The following SPMIP2 variants were observed in gnomAD, a reference collection of about 807,000 sequenced individuals.
SPMIP2 encodes sperm microtubule inner protein 2.
chr4:158,973,294 C>G, the SPMIP2 span: 1 of 1,612,032 alleles, frequency 6.2e-7, no homozygotes, highest in Non-Finnish European at 8.5e-7. Context: ...GGTAAATAAT[C>G]CTTTATGTAG....
chr4:158,992,451 TTA>T, the SPMIP2 span, among the ~76,000 whole-genome samples: 1 of 152,254 alleles, frequency 6.6e-6, no homozygotes, highest in South Asian at 2.1e-4. Context: ...ACTGGGTCAC[TTA>T]TATGCATCCT....
the SPMIP2 span, among the ~76,000 whole-genome samples, chr4:158,949,667 G>A: frequency 6.6e-6 from 1 of 152,100 alleles, no homozygotes; most frequent in African/African-American, 2.4e-5. Flanking sequence ...GCAAAACTTT[G>A]TACATCTCCT....
At chr4:158,987,915 T>C in the SPMIP2 span, among the ~76,000 whole-genome samples, 2 of 150,724 alleles carry the variant, frequency 1.3e-5, no homozygotes, top group Non-Finnish European at 3.0e-5. Flanking sequence ...CTGAAGGAGA[T>C]AGAGACACAA....
the SPMIP2 span, among the ~76,000 whole-genome samples, chr4:158,961,953 TG>T: frequency 6.6e-6 from 1 of 152,106 alleles, no homozygotes; most frequent in Non-Finnish European, 1.5e-5. Context: ...ATATCTTCAT[TG>T]AAATGGGTAA....
the SPMIP2 span, among the ~76,000 whole-genome samples, chr4:158,896,595 A>G: frequency 1.3e-5 from 2 of 152,160 alleles, no homozygotes; most frequent in African/African-American, 4.8e-5. Flanking sequence ...AAGCCTCCTA[A>G]GAGACTGGGG....
chr4:158,938,662 C>T, the SPMIP2 span, among the ~76,000 whole-genome samples: 6 of 152,230 alleles, frequency 3.9e-5, no homozygotes, highest in Non-Finnish European at 8.8e-5. Context: ...TGGGCTCCAG[C>T]TGGGCTTCTA....
chr4:159,056,627 A>G, the SPMIP2 span, among the ~76,000 whole-genome samples: 3 of 152,148 alleles, frequency 2.0e-5, no homozygotes, highest in African/African-American at 7.2e-5. Flanking sequence ...CTAGAAGGAG[A>G]TGGTAGTGCA....
At chr4:158,958,908 T>C in the SPMIP2 span, among the ~76,000 whole-genome samples, 1 of 152,258 alleles carries the variant, frequency 6.6e-6, no homozygotes, top group Non-Finnish European at 1.5e-5. Flanking sequence ...AAATTCTAGC[T>C]ATAATTTTCT....
the SPMIP2 span, among the ~76,000 whole-genome samples, chr4:158,973,501 T>G: frequency 6.6e-6 from 1 of 152,338 alleles, no homozygotes; most frequent in Admixed American, 6.5e-5. Flanking sequence ...TTATTAATGC[T>G]TATCTGTTAA....
chr4:158,918,162 G>A, the SPMIP2 span, among the ~76,000 whole-genome samples: 1 of 152,150 alleles, frequency 6.6e-6, no homozygotes, highest in South Asian at 2.1e-4. Flanking sequence ...TGCCTGACAC[G>A]TAATTGACAC....
At chr4:159,033,792 A>T in the SPMIP2 span, among the ~76,000 whole-genome samples, 1 of 152,208 alleles carries the variant, frequency 6.6e-6, no homozygotes, top group Admixed American at 6.5e-5. Flanking sequence ...TGCCCACCAT[A>T]AATATGCATT....
the SPMIP2 span, among the ~76,000 whole-genome samples, chr4:158,957,245 T>A: frequency 1.9e-4 from 29 of 152,188 alleles, no homozygotes; most frequent in African/African-American, 7.0e-4. Context: ...TGTTCTTATA[T>A]TTATTAAAAT....
At chr4:159,027,128 G>A in the SPMIP2 span, among the ~76,000 whole-genome samples, 3 of 151,946 alleles carry the variant, frequency 2.0e-5, no homozygotes, top group Non-Finnish European at 2.9e-5. Context: ...TTTTGTAAAT[G>A]TAATAATATG....
chr4:159,077,614 A>G, the SPMIP2 span, among the ~76,000 whole-genome samples: 28,847 of 152,122 alleles, frequency 0.19, 2,742 homozygotes, highest in Admixed American at 0.25. Flanking sequence ...AGAAATGTAT[A>G]ATCAAATTTT....
At chr4:159,029,418 A>T in the SPMIP2 span, among the ~76,000 whole-genome samples, 1 of 152,218 alleles carries the variant, frequency 6.6e-6, no homozygotes, top group South Asian at 2.1e-4. Flanking sequence ...CTAAAGACAA[A>T]TTAATGTACT....
the SPMIP2 span, among the ~76,000 whole-genome samples, chr4:158,914,901 G>T: frequency 6.6e-6 from 1 of 152,152 alleles, no homozygotes; most frequent in Non-Finnish European, 1.5e-5. Context: ...ACTCACAGGG[G>T]TCGCCATTCT....
chr4:159,025,636 GA>G, the SPMIP2 span, among the ~76,000 whole-genome samples: 1 of 151,952 alleles, frequency 6.6e-6, no homozygotes, highest in Non-Finnish European at 1.5e-5. Context: ...GAAAAAAAAA[GA>G]ATTTTAAGAT....
At chr4:158,916,727 A>T in the SPMIP2 span, among the ~76,000 whole-genome samples, 375 of 152,158 alleles carry the variant, frequency 2.5e-3, 2 homozygotes, top group African/African-American at 8.6e-3. Flanking sequence ...CACTGCAACC[A>T]CCACCTCCCA....
chr4:159,003,874 A>C, the SPMIP2 span, among the ~76,000 whole-genome samples: 2 of 152,186 alleles, frequency 1.3e-5, no homozygotes, highest in Non-Finnish European at 1.5e-5. Flanking sequence ...AAAAATAAGA[A>C]TGCTCTGTGA....
Sources: allele counts gnomAD v4.1 joint callset (sites outside exome capture counted in the v4.1 genomes callset), GRCh38; gene constraint gnomAD v4.1.1; transcripts MANE v1.5; gene names NCBI Gene and HGNC (gene_info 2026-07-23, HGNC 2026-07-21).